PIAS3: variants seen among roughly 807,000 people sequenced by gnomAD.
PIAS3 encodes the protein protein inhibitor of activated STAT 3, also known as E3 SUMO-protein ligase PIAS3.
In PIAS3, 34 loss-of-function variants were observed where a neutral mutation model predicts 67.6. That is an observed-to-expected ratio of 0.50 (90% CI 0.38 to 0.67). The LOEUF is 0.67. Ranked by LOEUF, PIAS3 falls within the 30% of genes least tolerant of loss-of-function variation. The pLI is 0.00. For synonymous variants in PIAS3, 341 were observed against 313.8 expected, an observed-to-expected ratio of 1.09 and a Z score of -0.92; for missense variants, 693 against 791.6, an observed-to-expected ratio of 0.88 and a Z score of 1.49.
chr1:145,853,717 A>G, intron 8 of PIAS3, 53 bp from the exon 9 acceptor site: 1 of 1,609,592 alleles, frequency 6.2e-7, no homozygotes, highest in Non-Finnish European at 8.5e-7. Flanking sequence ...TTCATCCCAG[A>G]AAACTTCACG....
In PIAS3 at chr1:145,859,027, C is replaced by T; in HGVS notation, c.-37G>A. 6.5e-7 allele frequency: 1 copy of T among 1,542,632 alleles called. No individual in the cohort carries two copies. Among genetic ancestry groups the T allele is most frequent in the Non-Finnish European group, 8.7e-7 (1 of 1,144,984 alleles). Reference sequence around the variant, plus strand: ...GCAGGCGCCCCAGCCGGAGCCGGAGCTCAGGCCCAGGGACCGGCGCACAAC... The same window carrying T: ...GCAGGCGCCCCAGCCGGAGCCGGAGTTCAGGCCCAGGGACCGGCGCACAAC... On this transcript the variant is annotated 5_prime_UTR_variant, in exon 1 of 14. Coordinates refer to ENST00000393045, the MANE Select transcript of PIAS3 (RefSeq NM_006099.3).
In PIAS3 at chr1:145,856,956, A is replaced by G. The variant is rs984710407; in HGVS notation, c.75T>C (p.Phe25=). Residue 25 remains phenylalanine (F), a synonymous_variant, in exon 2 of 14, where the codon TTT becomes TTC. Transcript: ENST00000393045. Reference sequence around the variant, plus strand: ...TCCGTCCACTCTTGTTCCGGCCAGCAAAGCCAAGAAGCACCTGGAGCTCAG... The same window carrying G: ...TCCGTCCACTCTTGTTCCGGCCAGCGAAGCCAAGAAGCACCTGGAGCTCAG... ...RVSELQVLLG[F]AGRNKSGRKH... 2.5e-6 allele frequency: 4 copies of G among 1,614,142 alleles called. No individual in the cohort carries two copies. Among genetic ancestry groups the G allele is most frequent in the Middle Eastern group, 1.6e-4 (1 of 6,062 alleles).
At position 145,850,586 on chromosome 1, in the gene PIAS3, T is replaced by G. The variant is rs782510823; in HGVS notation, c.1449A>C (p.Gly483=). ...AAIPALPGSK[G]VLTSGHQPSS... ...ATGGCTGGTGGCCAGATGTCAGGAC[T>G]CTGTGGGTAGAGAGGAGCTGAGGCA... Residue 483 remains glycine (G), a splice_region_variant and synonymous_variant, in exon 12 of 14, where the codon GGA becomes GGC. Transcript: ENST00000393045. The G allele has an allele frequency of 2.8e-5, 45 of 1,613,830 alleles. No individual in the cohort carries two copies. In the East Asian group the frequency reaches 8.0e-4, roughly 29 times the overall value.
chr1:145,849,885 T>G, intron 13 of PIAS3, 173 bp from the exon 14 acceptor site: 1 of 1,456,112 alleles, frequency 6.9e-7, no homozygotes, highest in South Asian at 1.5e-5. Context: ...ACCCTTCCCC[T>G]TTCCCTGCCT....
chr1:145,851,646 G>T (rs1242419946), intron 9 of PIAS3, among the ~76,000 whole-genome samples: 1 of 128,500 alleles, frequency 7.8e-6, no homozygotes, highest in African/African-American at 3.1e-5. Context: ...ACAGAGCAAG[G>T]CTCTGCCTCA....
chr1:145,849,302 A>C lies in PIAS3; in HGVS notation c.*144T>G. On this transcript the variant is annotated 3_prime_UTR_variant, in exon 14 of 14. Transcript: ENST00000393045. ...TTTGGGTGCTGGCCTTGTCAGGCAG[A>C]GATGAGGCCAAAAGTAGGCATCTGT... 1.4e-6 allele frequency: 1 copy of C among 732,760 alleles called. No homozygotes were observed. Among genetic ancestry groups the C allele is most frequent in the Non-Finnish European group, 2.0e-6 (1 of 499,654 alleles). 45.4% of individuals were successfully genotyped at this position (732,760 alleles called of 1,614,324 possible).
chr1:145,858,902 C>T (rs1653307081), intron 1 of PIAS3, 65 bp downstream of exon 1: 2 of 1,421,428 alleles, frequency 1.4e-6, no homozygotes, highest in Admixed American at 3.3e-5. Context: ...CAGTCTCGGT[C>T]GCTTCCCGGA....
chr1:145,854,651 CAT>C (rs1178635542), intron 6 of PIAS3, 88 bp from the exon 7 acceptor site: 20 of 1,591,304 alleles, frequency 1.3e-5, no homozygotes, highest in Non-Finnish European at 1.6e-5. Flanking sequence ...GAGACAGACT[CAT>C]AAAGAGGAAA....
Position 145,849,380 on chromosome 1 carries a change from G to A in PIAS3, c.*66C>T. Reference sequence around the variant, plus strand: ...CCCCCAGAGGGATCAGAGTAGCTGGGGTTGGGACTCCACAGCATACTTGCT... The same window carrying A: ...CCCCCAGAGGGATCAGAGTAGCTGGAGTTGGGACTCCACAGCATACTTGCT... On this transcript the variant is annotated 3_prime_UTR_variant, in exon 14 of 14. Coordinates refer to ENST00000393045, the MANE Select transcript of PIAS3 (RefSeq NM_006099.3). 7.0e-7 allele frequency: 1 copy of A among 1,424,380 alleles called. No homozygotes were observed. The highest frequency in any genetic ancestry group is 9.1e-7 in the Non-Finnish European group (1 of 1,093,074). The allele number at this position is 1,424,380 out of a possible 1,614,324, so 88.2% of individuals were successfully genotyped here. A position where few individuals can be genotyped will look rare whatever the true frequency, so the allele number is the denominator to read the frequency against.
At chr1:145,850,313 C>T (rs1249193809) in intron 12 of PIAS3, 44 bp from the exon 13 acceptor site, 1 of 1,613,924 alleles carries the variant, frequency 6.2e-7, no homozygotes, top group Non-Finnish European at 8.5e-7. Context: ...TATCTGACCC[C>T]TTTACCACCA....
rs1553735205 is a variant in PIAS3 at position 145,854,849 on chromosome 1, T to C, written c.701A>G (p.Glu234Gly). ...GYLPPTKNGA[E>G]PKRPSRPINI... ...GATGGGGCGGCTGGGCCTCTTGGGCTCGGCCCCATTCTTGGTTGGGGGAAG... is the reference window on the plus strand; with the variant it reads ...GATGGGGCGGCTGGGCCTCTTGGGCCCGGCCCCATTCTTGGTTGGGGGAAG... The change falls in exon 6 of 14, where the codon GAG becomes GGG. Residue 234 changes from glutamate (E) to glycine (G), a missense_variant. Physicochemically the swap from Glu to Gly is moderately conservative, Grantham distance 98. Transcript: ENST00000393045. 6.2e-7 allele frequency: 1 copy of C among 1,614,154 alleles called. No homozygotes were observed. Among genetic ancestry groups the C allele is most frequent in the Middle Eastern group, 1.7e-4 (1 of 6,060 alleles).
rs1652925597 is a variant in PIAS3 at position 145,850,764 on chromosome 1, C to T, written c.1448+7G>A. ...TTTTGCTGTAGACTCAGCCTATTTT[C>T]TCATACCCTTTGCTTCCAGGTAGGG... On this transcript the variant is annotated splice_region_variant and intron_variant, in intron 11 of 13. Coordinates refer to ENST00000393045, the MANE Select transcript of PIAS3 (RefSeq NM_006099.3). 6.2e-7 allele frequency: 1 copy of T among 1,614,004 alleles called. No individual in the cohort carries two copies. Among genetic ancestry groups the T allele is most frequent in the Non-Finnish European group, 8.5e-7 (1 of 1,179,934 alleles).
chr1:145,855,724 G>T lies in PIAS3; in HGVS notation c.669+12C>A, dbSNP rs1553735410. 7.0e-6 allele frequency: 10 copies of T among 1,430,208 alleles called. No individual in the cohort carries two copies. In the East Asian group the frequency reaches 1.8e-4, roughly 26 times the overall value. The allele number at this position is 1,430,208 out of a possible 1,614,324, so 88.6% of individuals were successfully genotyped here. On this transcript the variant is annotated intron_variant, in intron 5 of 13. Transcript: ENST00000393045. ...TAAGGGATTACTGACAGAAGAAGGG[G>T]AGAGCATTTACCGGCAGGGGGCACA...
Position 145,849,296 on chromosome 1 carries a change from AGG to A in PIAS3, c.*148_*149del. On this transcript the variant is annotated 3_prime_UTR_variant, in exon 14 of 14. Coordinates refer to ENST00000393045, the MANE Select transcript of PIAS3 (RefSeq NM_006099.3). ...TAACCCTTTGGGTGCTGGCCTTGTC[AGG>A]CAGAGATGAGGCCAAAAGTAGGCAT... The A allele has an allele frequency of 1.5e-6, 1 of 662,372 alleles. No homozygotes were observed. The highest frequency in any genetic ancestry group is 2.3e-6 in the Non-Finnish European group (1 of 436,904). 41.0% of individuals were successfully genotyped at this position (662,372 alleles called of 1,614,324 possible).
At position 145,859,005 on chromosome 1, in the gene PIAS3, G is replaced by T. The variant is rs1553736164; in HGVS notation, c.-15C>A. The T allele has an allele frequency of 6.5e-7, 1 of 1,543,332 alleles. No homozygotes were observed. Among genetic ancestry groups the T allele is most frequent in the Non-Finnish European group, 8.7e-7 (1 of 1,145,780 alleles). ...AGCTCCGCCATCTTGAGACATCGCA[G>T]GCGCCCCAGCCGGAGCCGGAGCTCA... On this transcript the variant is annotated 5_prime_UTR_variant, in exon 1 of 14. The change creates a new upstream start codon in the 5' untranslated region. Coordinates refer to ENST00000393045, the MANE Select transcript of PIAS3 (RefSeq NM_006099.3).
At chr1:145,857,731 T>G (rs1653249813) in intron 1 of PIAS3, among the ~76,000 whole-genome samples, 1 of 152,158 alleles carries the variant, frequency 6.6e-6, no homozygotes, top group African/African-American at 2.4e-5. Flanking sequence ...TCGGGGAGAT[T>G]AACAGTGAAT....
chr1:145,857,624 AC>A (rs1653246126), intron 1 of PIAS3, among the ~76,000 whole-genome samples: 1 of 152,116 alleles, frequency 6.6e-6, no homozygotes, highest in Admixed American at 6.5e-5. Context: ...AATGCTCATA[AC>A]TTCCCCAGAT....
intron 1 of PIAS3, among the ~76,000 whole-genome samples, chr1:145,858,400 G>A (rs1279248700): frequency 6.6e-6 from 1 of 151,938 alleles, no homozygotes; most frequent in African/African-American, 2.4e-5. Flanking sequence ...CTTCCTCTGA[G>A]CCTCCAGGAT....
chr1:145,851,028 C>T lies in PIAS3; in HGVS notation c.1271G>A (p.Gly424Glu), dbSNP rs781934166. ...ASEVCPPPGY[G>E]LDGLQYSPVQ... Reference sequence around the variant, plus strand: ...AACAGGGGGTCACTCACCATCCAGCCCATACCCTGGCGGGGGGCAAACCTC... The same window carrying T: ...AACAGGGGGTCACTCACCATCCAGCTCATACCCTGGCGGGGGGCAAACCTC... The change falls in exon 10 of 14, where the codon GGG (glycine) becomes GAG (glutamate). Residue 424 changes from glycine (G) to glutamate (E), a missense_variant. Physicochemically the swap from Gly to Glu is moderately conservative, Grantham distance 98 (BLOSUM62 -2). Transcript: ENST00000393045. 3 of 1,614,184 alleles carry T rather than the reference C, an allele frequency of 1.9e-6. No individual in the cohort carries two copies. The highest frequency in any genetic ancestry group is 2.5e-6 in the Non-Finnish European group (3 of 1,180,038).
Sources: gnomAD v4.1 joint callset for allele counts (sites outside exome capture counted in the v4.1 genomes callset) on GRCh38, gnomAD v4.1.1 for gene constraint, MANE v1.5 for transcripts, NCBI Gene and HGNC (gene_info 2026-07-23, HGNC 2026-07-21) for gene names.